The following RHOQ variants were observed in gnomAD, a reference collection of about 807,000 sequenced individuals.
The protein encoded by RHOQ is rho-related GTP-binding protein RhoQ.
A neutral mutation model predicts 25.8 loss-of-function variants in RHOQ; 7 were observed. That is an observed-to-expected ratio of 0.27 (90% confidence interval 0.15 to 0.51). RHOQ has a LOEUF of 0.51. Ranked by LOEUF, RHOQ falls within the 20% of genes least tolerant of loss-of-function variation. The probability of loss-of-function intolerance (pLI) is 0.97; values close to 1 mark genes in which losing one functional copy is unlikely to be tolerated. For missense variants in RHOQ, 165 were observed against 260.6 expected (o/e 0.63, Z 2.53); for synonymous variants, 97 against 98.6 (o/e 0.98, Z 0.10).
rs1668411708 is a variant in RHOQ at position 46,556,398 on chromosome 2, G to T, written c.201+12586G>T. ...GAAGTTCTGCTAGTTGTGCACTTGTGGTGCTGCCTTCGCCCCTGGCTCAGG... is the reference window on the plus strand; with the variant it reads ...GAAGTTCTGCTAGTTGTGCACTTGTTGTGCTGCCTTCGCCCCTGGCTCAGG... On this transcript the variant is annotated intron_variant, in intron 2 of 4. Coordinates refer to ENST00000238738, the MANE Select transcript of RHOQ (RefSeq NM_012249.4). The surrounding 1 kb of genome is among the most constrained non-coding windows in gnomAD (Gnocchi z 4.9). Among the ~76,000 whole-genome samples, 1 of 152,048 alleles carries T rather than the reference G, an allele frequency of 6.6e-6. No individual in the cohort carries two copies. The highest frequency in any genetic ancestry group is 1.9e-4 in the East Asian group (1 of 5,184).
chr2:46,547,856 C>G (rs1341685686), intron 2 of RHOQ, among the ~76,000 whole-genome samples: 1 of 152,224 alleles, frequency 6.6e-6, no homozygotes, highest in Non-Finnish European at 1.5e-5. Context: ...AGCTCTCCCT[C>G]TCTGTCCAGA....
rs1429327207 is a variant in RHOQ at position 46,556,485 on chromosome 2, T to A, written c.201+12673T>A. Among the ~76,000 whole-genome samples the A allele has an allele frequency of 9.2e-6, 1 of 109,254 alleles. No individual in the cohort carries two copies. The highest frequency in any genetic ancestry group is 2.0e-5 in the Non-Finnish European group (1 of 50,600). The allele number at this position is 109,254 out of a possible 152,430, so 71.7% of individuals were successfully genotyped here. ...TATTCTTTTTCTTAAAAAATTTTTT[T>A]AATTTTTTTTTTTTTGTTCCTTTTA... is the stretch of plus-strand genomic sequence containing the variant. On this transcript the variant is annotated intron_variant, in intron 2 of 4. Transcript: ENST00000238738. This position sits in a 1 kb window ranked among gnomAD's most constrained non-coding sequence, Gnocchi z 4.9.
intron 2 of RHOQ, among the ~76,000 whole-genome samples, chr2:46,574,143 G>A (rs1176283612): frequency 6.6e-6 from 1 of 152,092 alleles, no homozygotes; most frequent in East Asian, 1.9e-4. Flanking sequence ...GAGTGCTTTA[G>A]TTGCACTATT....
chr2:46,572,631 T>C (rs1668970756), intron 2 of RHOQ: 4 of 351,506 alleles, frequency 1.1e-5, no homozygotes, highest in South Asian at 8.9e-5. Context: ...TTAATACACT[T>C]TTCTGTACTC....
At chr2:46,551,126 T>A (rs138548646) in intron 2 of RHOQ, among the ~76,000 whole-genome samples, 6 of 152,310 alleles carry the variant, frequency 3.9e-5, no homozygotes, top group Non-Finnish European at 7.3e-5. Context: ...CGGAAACCTG[T>A]TTCCTTATCT....
chr2:46,567,925 C>T (rs932791431), intron 2 of RHOQ, among the ~76,000 whole-genome samples: 10 of 151,924 alleles, frequency 6.6e-5, no homozygotes, highest in Admixed American at 2.0e-4. Context: ...AAATTTCTGA[C>T]TAGCTGGGCA....
chr2:46,560,580 C>G (rs1194318344), intron 2 of RHOQ: 2 of 456,082 alleles, frequency 4.4e-6, no homozygotes, highest in Non-Finnish European at 8.8e-6. Context: ...CATCTGGATC[C>G]TGGGGTCACG....
rs13427207 is a variant in RHOQ at position 46,571,981 on chromosome 2, G to A, written c.202-4106G>A. Among the ~76,000 whole-genome samples, 1,316 of 152,200 alleles carry A rather than the reference G, an allele frequency of 8.6e-3. 29 individuals carry two copies. The highest frequency in any genetic ancestry group is 0.03 in the African/African-American group (1,265 of 41,506). On this transcript the variant is annotated intron_variant, in intron 2 of 4. Transcript: ENST00000238738. ...GGCACTGCTGGCTGAGCTGCACACA[G>A]AAAGGGGTCTCCAGCTGATGGCCAT...
chr2:46,546,738 T>C (rs539128599), intron 2 of RHOQ, among the ~76,000 whole-genome samples: 1 of 152,018 alleles, frequency 6.6e-6, no homozygotes, highest in Non-Finnish European at 1.5e-5. Flanking sequence ...TAAAAGCAGC[T>C]GATACTTTGT....
At position 46,580,978 on chromosome 2, in the gene RHOQ, G is replaced by C; in HGVS notation, c.513G>C (p.Leu171Phe). 3 of 1,579,976 alleles carry C rather than the reference G, an allele frequency of 1.9e-6. No individual in the cohort carries two copies. The highest frequency in any genetic ancestry group is 2.6e-6 in the Non-Finnish European group (3 of 1,168,302). The change falls in exon 5 of 5, where the codon TTG becomes TTC. Residue 171 changes from leucine to phenylalanine, a missense_variant. Transcript: ENST00000238738. ...GTTCAGCTTTAACCCAGAAGGGATT[G>C]AAGACTGTTTTTGATGAGGCTATCA... Reference protein sequence around the residue: ...VECSALTQKGLKTVFDEAIIA... With the variant: ...VECSALTQKGFKTVFDEAIIA...
intron 4 of RHOQ, among the ~76,000 whole-genome samples, chr2:46,577,800 A>T (rs966502354): frequency 6.6e-6 from 1 of 152,072 alleles, no homozygotes; most frequent in African/African-American, 2.4e-5. Context: ...AAAGCAAAAA[A>T]TAAATGGCTT....
Position 46,555,885 on chromosome 2 carries a change from A to G in RHOQ, c.201+12073A>G, listed in dbSNP as rs1668396400. The stretch of plus-strand genomic sequence containing the variant: ...CTGAACAAGCTAGTATGGAAGTAGC[A>G]TCTAGGCAAGCTGGTGTTAAGACGC... On this transcript the variant is annotated intron_variant, in intron 2 of 4. Transcript: ENST00000238738. This position sits in a 1 kb window ranked among gnomAD's most constrained non-coding sequence, Gnocchi z 4.3. Among the ~76,000 whole-genome samples, 3 of 152,338 alleles carry G rather than the reference A, an allele frequency of 2.0e-5. No individual in the cohort carries two copies. In the South Asian group the frequency reaches 6.2e-4, roughly 32 times the overall value.
Position 46,576,161 on chromosome 2 carries a change from TCCA to T in RHOQ, c.277_279del (p.Pro93del). The T allele has an allele frequency of 6.3e-7, 1 of 1,599,294 alleles. No individual in the cohort carries two copies. The highest frequency in any genetic ancestry group is 8.5e-7 in the Non-Finnish European group (1 of 1,171,604). On this transcript the variant is annotated inframe_deletion, in exon 3 of 5. Transcript: ENST00000238738. The surrounding 1 kb of genome is among the most constrained non-coding windows in gnomAD (Gnocchi z 5.1). ...TCCTTATATGCTTCTCGGTGGTAAA[TCCA>T]GCCTCATTTCAAAATGTGAAAGAGG... is the stretch of plus-strand genomic sequence containing the variant.
rs1385123482 is a variant in RHOQ, at chr2:46,579,374, C to A, written c.463-1554C>A. 3.9e-5 allele frequency among the ~76,000 whole-genome samples: 6 copies of A among 152,232 alleles called. No individual in the cohort carries two copies. In the East Asian group the frequency reaches 9.6e-4, roughly 24 times the overall value. On this transcript the variant is annotated intron_variant, in intron 4 of 4. Transcript: ENST00000238738. ...GCTTCTGTCAGTCTTGTAGCTTGCA[C>A]AGTCTACAACCAAAGATTCCTGGAT...
chr2:46,584,000 G>C lies in RHOQ; in HGVS notation c.*2917G>C, dbSNP rs755254073. Among the ~76,000 whole-genome samples, 9 of 152,114 alleles carry C rather than the reference G, an allele frequency of 5.9e-5. No homozygotes were observed. The highest frequency in any genetic ancestry group is 1.3e-4 in the Non-Finnish European group (9 of 67,972). ...GTTTTATCTCCACAGGTACATTTTA[G>C]GTTAGCTCATGGTGAATTCTATTTA... On this transcript the variant is annotated 3_prime_UTR_variant, in exon 5 of 5. Transcript: ENST00000238738.
At chr2:46,565,222 A>C (rs17035272) in intron 2 of RHOQ, among the ~76,000 whole-genome samples, 24,858 of 152,096 alleles carry the variant, frequency 0.16, 3,398 homozygotes, top group African/African-American at 0.37. Context: ...GCTTAATCCA[A>C]CCAGGGACTC....
At chr2:46,549,030 G>A (rs1210024567) in intron 2 of RHOQ, among the ~76,000 whole-genome samples, 1 of 152,144 alleles carries the variant, frequency 6.6e-6, no homozygotes, top group Non-Finnish European at 1.5e-5. Context: ...ACCAGCTCTC[G>A]TTGGTCTACA....
At chr2:46,564,278 C>G (rs952081914) in intron 2 of RHOQ, among the ~76,000 whole-genome samples, 134 of 152,240 alleles carry the variant, frequency 8.8e-4, no homozygotes, top group African/African-American at 3.0e-3. Context: ...GCACACCAGC[C>G]TGGGTGACAG....
rs1013237437 is a variant in RHOQ at position 46,582,038 on chromosome 2, G to C, written c.*955G>C. The C allele has an allele frequency of 6.4e-6, 1 of 155,728 alleles. No individual in the cohort carries two copies. Among genetic ancestry groups the C allele is most frequent in the Non-Finnish European group, 1.4e-5 (1 of 70,450 alleles). 9.6% of individuals were successfully genotyped at this position (155,728 alleles called of 1,614,324 possible). ...AGTTGTGTTAAAGAGGAAAGACCTAGAATCCAAGCGTGTTACATGAAAATT... is the reference window on the plus strand; with the variant it reads ...AGTTGTGTTAAAGAGGAAAGACCTACAATCCAAGCGTGTTACATGAAAATT... On this transcript the variant is annotated 3_prime_UTR_variant, in exon 5 of 5. Transcript: ENST00000238738.
Sources: gnomAD v4.1 joint callset for allele counts (sites outside exome capture counted in the v4.1 genomes callset) on GRCh38, gnomAD v4.1.1 for gene constraint, Gnocchi (gnomAD v3.1) non-coding constraint, MANE v1.5 for transcripts, NCBI Gene and HGNC (gene_info 2026-07-23, HGNC 2026-07-21) for gene names.